Variants in FAF1 observed in about 807,000 individuals in gnomAD.
FAF1 encodes FAS-associated factor 1.
In FAF1, 25 loss-of-function variants were observed where a neutral mutation model predicts 92.5. That is an observed-to-expected ratio of 0.27 (90% confidence interval 0.20 to 0.38). The LOEUF (loss-of-function observed/expected upper bound fraction) is 0.38, where lower values mean the gene tolerates loss of function less well. Ranked by LOEUF, FAF1 falls within the 10% of genes least tolerant of loss-of-function variation. The pLI is 1.00. For missense variants in FAF1, 636 were observed against 793.3 expected (o/e 0.80, Z 2.38); for synonymous variants, 234 against 273.2 (o/e 0.86, Z 1.42).
At chr1:50,510,463 C>T (rs1195179827) in intron 15 of FAF1, among the ~76,000 whole-genome samples, 1 of 152,010 alleles carries the variant, frequency 6.6e-6, no homozygotes. Flanking sequence ...GGGGGGGAAG[C>T]AAGGGATGAT....
chr1:50,501,522 G>T (rs1040316010), intron 15 of FAF1, among the ~76,000 whole-genome samples: 2 of 152,016 alleles, frequency 1.3e-5, no homozygotes, highest in East Asian at 3.9e-4. Flanking sequence ...TTAGCTGGGC[G>T]TGGTGGCAGG....
intron 7 of FAF1, among the ~76,000 whole-genome samples, chr1:50,684,834 C>T (rs1656583035): frequency 6.6e-6 from 1 of 152,114 alleles, no homozygotes; most frequent in Non-Finnish European, 1.5e-5. Flanking sequence ...ACTATTTGTT[C>T]TTTGACTCTT....
At chr1:50,632,031 T>C (rs1366673667) in intron 8 of FAF1, among the ~76,000 whole-genome samples, 3 of 152,188 alleles carry the variant, frequency 2.0e-5, no homozygotes, top group African/African-American at 7.2e-5. Flanking sequence ...CAGAGGTTGG[T>C]ATTATCAGTA....
intron 6 of FAF1, among the ~76,000 whole-genome samples, chr1:50,710,322 C>T (rs1401285763): frequency 6.6e-6 from 1 of 152,192 alleles, no homozygotes; most frequent in Non-Finnish European, 1.5e-5. Context: ...TCTAGTTCTA[C>T]AATTCCTGGA....
intron 8 of FAF1, among the ~76,000 whole-genome samples, chr1:50,637,273 T>TAAAAAAA (rs1172030649): frequency 1.0e-5 from 1 of 97,230 alleles, no homozygotes; most frequent in African/African-American, 4.0e-5. Context: ...CCATTTCTAC[T>TAAAAAAA]AAAAAAAAAA....
At chr1:50,689,823 T>A (rs531182036) in intron 7 of FAF1, among the ~76,000 whole-genome samples, 2 of 152,268 alleles carry the variant, frequency 1.3e-5, no homozygotes, top group South Asian at 4.1e-4. Context: ...CTATTTTCTG[T>A]TACTTTATTT....
chr1:50,577,088 C>T (rs1301979686), intron 12 of FAF1, among the ~76,000 whole-genome samples: 1 of 152,108 alleles, frequency 6.6e-6, no homozygotes, highest in Admixed American at 6.5e-5. Flanking sequence ...TTTTTTTGCT[C>T]CAGTAATACC....
intron 2 of FAF1, among the ~76,000 whole-genome samples, chr1:50,856,059 A>G (rs1644388512): frequency 1.3e-5 from 2 of 151,882 alleles, no homozygotes; most frequent in Non-Finnish European, 2.9e-5. Flanking sequence ...AATATTCACT[A>G]CCAGTAAGTG....
At chr1:50,957,241 T>TG (rs563239506) in intron 1 of FAF1, among the ~76,000 whole-genome samples, 191 of 152,154 alleles carry the variant, frequency 1.3e-3, no homozygotes, top group Non-Finnish European at 1.9e-3. Flanking sequence ...TCACTGCAGA[T>TG]GCCATTCTAT....
At chr1:50,950,380 TG>T (rs1459266792) in intron 1 of FAF1, among the ~76,000 whole-genome samples, 2 of 152,180 alleles carry the variant, frequency 1.3e-5, no homozygotes, top group African/African-American at 2.4e-5. Flanking sequence ...ACTGATTTCA[TG>T]GGGGGAGCGG....
chr1:50,519,538 A>G (rs1306827220), intron 15 of FAF1, among the ~76,000 whole-genome samples: 2 of 152,188 alleles, frequency 1.3e-5, no homozygotes, highest in African/African-American at 4.8e-5. Flanking sequence ...CGTTTTGCCT[A>G]TATATGTCCA....
intron 7 of FAF1, among the ~76,000 whole-genome samples, chr1:50,695,353 A>T (rs927371690): frequency 6.6e-6 from 1 of 152,036 alleles, no homozygotes; most frequent in Non-Finnish European, 1.5e-5. Context: ...GGTTGCAGCG[A>T]GCAGAGATTG....
At chr1:50,853,126 C>G (rs753430271) in intron 2 of FAF1, among the ~76,000 whole-genome samples, 13 of 152,124 alleles carry the variant, frequency 8.5e-5, no homozygotes, top group Non-Finnish European at 1.3e-4. Context: ...ATTCATAAAA[C>G]TGCAGGTGTT....
intron 1 of FAF1, among the ~76,000 whole-genome samples, chr1:50,919,115 CAAA>C (rs1248955820): frequency 6.6e-6 from 1 of 152,038 alleles, no homozygotes. Context: ...TACTCTTTAA[CAAA>C]ATGTTTTTAA....
At chr1:50,547,356 T>C (rs961713302) in intron 13 of FAF1, among the ~76,000 whole-genome samples, 4 of 152,164 alleles carry the variant, frequency 2.6e-5, no homozygotes, top group African/African-American at 9.7e-5. Flanking sequence ...AGGCTTCCAG[T>C]AATAGTAAAC....
intron 8 of FAF1, among the ~76,000 whole-genome samples, chr1:50,625,758 T>C (rs1487716454): frequency 6.6e-6 from 1 of 152,166 alleles, no homozygotes; most frequent in Non-Finnish European, 1.5e-5. Flanking sequence ...GATCAGATTA[T>C]GAACAGTCAA....
intron 18 of FAF1, among the ~76,000 whole-genome samples, chr1:50,445,053 T>C (rs912042095): frequency 3.3e-5 from 5 of 152,202 alleles, no homozygotes; most frequent in African/African-American, 4.8e-5. Context: ...CACTTTAATA[T>C]AAAAGGTAGG....
At chr1:50,942,646 T>C (rs1645142653) in intron 1 of FAF1, among the ~76,000 whole-genome samples, 1 of 152,166 alleles carries the variant, frequency 6.6e-6, no homozygotes. Flanking sequence ...ACCTGGCCTG[T>C]TACAATTTCA....
chr1:50,703,414 C>G (rs116627611), intron 7 of FAF1, among the ~76,000 whole-genome samples: 190 of 152,124 alleles, frequency 1.2e-3, no homozygotes, highest in African/African-American at 3.8e-3. Flanking sequence ...CAAGTTGAAG[C>G]AGAAAAGTCA....
Sources: gnomAD v4.1 joint callset for allele counts (sites outside exome capture counted in the v4.1 genomes callset) on GRCh38, gnomAD v4.1.1 for gene constraint, MANE v1.5 for transcripts, NCBI Gene and HGNC (gene_info 2026-07-23, HGNC 2026-07-21) for gene names.